Variants in PIP4P2 observed in about 807,000 individuals in gnomAD.
PIP4P2 encodes the protein type 2 phosphatidylinositol 4,5-bisphosphate 4-phosphatase.
A neutral mutation model predicts 33.3 loss-of-function variants in PIP4P2; 19 were observed. That is an observed-to-expected ratio of 0.57 (90% CI 0.40 to 0.84). PIP4P2 has a LOEUF of 0.84. PIP4P2 is among the 40% of genes least tolerant of loss of function. The pLI is 0.00. For missense variants in PIP4P2, 270 were observed against 324.7 expected, an observed-to-expected ratio of 0.83 and a Z score of 1.29; for synonymous variants, 110 against 111.9, an observed-to-expected ratio of 0.98 and a Z score of 0.11.
At chr8:91,021,494 A>C in intron 1 of PIP4P2, 90 bp from the exon 2 acceptor site, 1 of 1,416,776 alleles carries the variant, frequency 7.1e-7, no homozygotes, top group South Asian at 1.5e-5. Flanking sequence ...AGAAGAAACA[A>C]TCAAGATTTT....
chr8:91,005,066 G>T lies in PIP4P2; in HGVS notation c.539+3677C>A, dbSNP rs187772177. 4.2e-3 allele frequency among the ~76,000 whole-genome samples: 639 copies of T among 152,314 alleles called. 2 individuals are homozygous for T. The highest frequency in any genetic ancestry group is 6.9e-3 in the Non-Finnish European group (469 of 68,022). ...ATGGCTATATTGATCCAAGATTGCT[G>T]CTTTGAAAAGCAGATAGATGGAATG... is the stretch of plus-strand genomic sequence containing the variant. On this transcript the variant is annotated intron_variant, in intron 5 of 6. Coordinates refer to ENST00000285419, the MANE Select transcript of PIP4P2 (RefSeq NM_018710.3).
At chr8:91,028,326 C>T (rs1476282922) in intron 1 of PIP4P2, among the ~76,000 whole-genome samples, 3 of 152,182 alleles carry the variant, frequency 2.0e-5, no homozygotes, top group African/African-American at 2.4e-5. Flanking sequence ...TCAACGTGTA[C>T]TGTAAATCTT....
In PIP4P2 at chr8:90,996,680, A is replaced by G. The variant is rs778083012; in HGVS notation, c.604T>C (p.Cys202Arg). The G allele has an allele frequency of 1.9e-6, 3 of 1,609,900 alleles. No individual in the cohort carries two copies. The highest frequency in any genetic ancestry group is 1.7e-6 in the Non-Finnish European group (2 of 1,177,868). ...CCAYITIGMICIFIGVGLTVG... is the reference protein window; with the variant it reads ...CCAYITIGMIRIFIGVGLTVG... ...GTTAACCCAACTCCAATGAAAATAC[A>G]TATCATTCCAATGGTAATATATGCA... Residue 202 changes from cysteine (C) to arginine (R), a missense_variant, in exon 6 of 7, where the codon TGT (cysteine) becomes CGT (arginine). By Grantham distance (180) the Cys-to-Arg change is radical. Transcript: ENST00000285419.
chr8:91,037,984 G>A (rs896289194), intron 1 of PIP4P2, among the ~76,000 whole-genome samples: 4 of 151,942 alleles, frequency 2.6e-5, no homozygotes, highest in Admixed American at 6.6e-5. Context: ...ACAAAAACTG[G>A]CAAGTATATT....
At chr8:91,012,964 CT>C (rs1424699315) in intron 4 of PIP4P2, among the ~76,000 whole-genome samples, 8 of 152,148 alleles carry the variant, frequency 5.3e-5, no homozygotes, top group African/African-American at 1.9e-4. Flanking sequence ...TAACAACTGT[CT>C]TTTTGATTGT....
intron 1 of PIP4P2, among the ~76,000 whole-genome samples, chr8:91,033,858 C>A (rs1812202079): frequency 6.6e-6 from 1 of 152,192 alleles, no homozygotes; most frequent in Admixed American, 6.5e-5. Flanking sequence ...CAGCTCACTG[C>A]AGCCTCAAGC....
At chr8:90,995,947 A>G (rs1811623605) in intron 6 of PIP4P2, 127 bp from the exon 7 acceptor site, 2 of 1,053,478 alleles carry the variant, frequency 1.9e-6, no homozygotes, top group Non-Finnish European at 1.3e-6. Flanking sequence ...CAAAGTCCTT[A>G]TAAGAGTAGG....
rs551341941 is a variant in PIP4P2, at chr8:91,022,914, C to T, written c.107-1510G>A. ...TGTTTCTGGGAGGCTTATAACAGAA[C>T]ACTGCCAAACACTGAAATTCAAAAG... On this transcript the variant is annotated intron_variant, in intron 1 of 6. Transcript: ENST00000285419. 3.9e-5 allele frequency among the ~76,000 whole-genome samples: 6 copies of T among 152,190 alleles called. No individual in the cohort carries two copies. In the East Asian group the frequency reaches 7.7e-4, roughly 20 times the overall value.
intron 1 of PIP4P2, among the ~76,000 whole-genome samples, chr8:91,035,427 A>C (rs1812220743): frequency 6.6e-6 from 1 of 152,176 alleles, no homozygotes; most frequent in Non-Finnish European, 1.5e-5. Flanking sequence ...CTAACTTCAA[A>C]AGACATTTTT....
In PIP4P2 at chr8:91,008,788, T is replaced by A; in HGVS notation, c.494A>T (p.Glu165Val). 1 of 1,601,936 alleles carries A rather than the reference T, an allele frequency of 6.2e-7. No homozygotes were observed. The highest frequency in any genetic ancestry group is 8.5e-7 in the Non-Finnish European group (1 of 1,171,366). ...TTTTGCCAGAGTGTTGAACCTCAGTTCCATCCACTGTAAAATAAACAAAGA... is the reference window on the plus strand; with the variant it reads ...TTTTGCCAGAGTGTTGAACCTCAGTACCATCCACTGTAAAATAAACAAAGA... Reference protein sequence around the residue: ...GHCGNTFLWMELRFNTLAKCP... With the variant: ...GHCGNTFLWMVLRFNTLAKCP... Residue 165 changes from glutamate (E) to valine (V), a missense_variant, in exon 5 of 7, where the codon GAA becomes GTA. Glu to Val is a moderately radical substitution (Grantham distance 121, BLOSUM62 -2). Transcript: ENST00000285419.
intron 1 of PIP4P2, among the ~76,000 whole-genome samples, chr8:91,022,193 A>G (rs1812019975): frequency 6.6e-6 from 1 of 152,186 alleles, no homozygotes; most frequent in Non-Finnish European, 1.5e-5. Context: ...CAAAATGTTG[A>G]TAACTGATGA....
chr8:91,039,059 C>T (rs936522838), intron 1 of PIP4P2, among the ~76,000 whole-genome samples: 3 of 152,056 alleles, frequency 2.0e-5, no homozygotes, highest in Admixed American at 6.6e-5. Context: ...ATAACTTATC[C>T]ACTAGTTGAG....
intron 4 of PIP4P2, among the ~76,000 whole-genome samples, chr8:91,010,349 T>G (rs1044835157): frequency 6.6e-6 from 1 of 151,922 alleles, no homozygotes; most frequent in Non-Finnish European, 1.5e-5. Context: ...ATGAAACCTT[T>G]GAGTCAAGAG....
chr8:91,019,226 C>T (rs954204203), intron 3 of PIP4P2, among the ~76,000 whole-genome samples: 7 of 151,006 alleles, frequency 4.6e-5, no homozygotes, highest in African/African-American at 1.7e-4. Context: ...ATAACTAAAA[C>T]ACTTGCAGGT....
rs71510466 is a variant in PIP4P2, at chr8:91,019,395, C to CAAA, written c.362+759_362+761dup. Reference sequence around the variant, plus strand: ...GCAATATGGTGAAACCCTGTCTCTACAAAAAAAAAAAAAAAAAAAAAAAAA... The same window carrying CAAA: ...GCAATATGGTGAAACCCTGTCTCTACAAAAAAAAAAAAAAAAAAAAAAAAAAAA... On this transcript the variant is annotated intron_variant, in intron 3 of 6. Transcript: ENST00000285419. Among the ~76,000 whole-genome samples the CAAA allele has an allele frequency of 1.8e-3, 35 of 19,690 alleles. 1 individual carries two copies. Among genetic ancestry groups the CAAA allele is most frequent in the African/African-American group, 6.2e-3 (26 of 4,206 alleles). 12.9% of individuals were successfully genotyped at this position (19,690 alleles called of 152,430 possible).
chr8:91,029,215 C>T (rs1812124139), intron 1 of PIP4P2, among the ~76,000 whole-genome samples: 1 of 151,932 alleles, frequency 6.6e-6, no homozygotes, highest in African/African-American at 2.4e-5. Flanking sequence ...CACTTGAACC[C>T]CGGAGGCGGA....
In PIP4P2 at chr8:91,019,024, A is replaced by G. The variant is rs74834592; in HGVS notation, c.363-511T>C. The stretch of plus-strand genomic sequence containing the variant: ...TTTCTATTCTCTAGTCTATCATTGG[A>G]TAGGGCTGTACATGATTCATGTAAT... On this transcript the variant is annotated intron_variant, in intron 3 of 6. Coordinates refer to ENST00000285419, the MANE Select transcript of PIP4P2 (RefSeq NM_018710.3). 1.8e-3 allele frequency among the ~76,000 whole-genome samples: 281 copies of G among 152,176 alleles called. 1 individual carries two copies. The highest frequency in any genetic ancestry group is 5.4e-3 in the Admixed American group (82 of 15,260).
intron 5 of PIP4P2, among the ~76,000 whole-genome samples, chr8:91,006,522 G>T (rs568660616): frequency 2.2e-4 from 33 of 152,274 alleles, no homozygotes; most frequent in Admixed American, 8.5e-4. Flanking sequence ...CAAGTCCCTT[G>T]AGCAAAATCC....
At chr8:91,025,193 G>C (rs1160304060) in intron 1 of PIP4P2, among the ~76,000 whole-genome samples, 1 of 150,278 alleles carries the variant, frequency 6.7e-6, no homozygotes, top group Non-Finnish European at 1.5e-5. Context: ...ATCGGGGTGG[G>C]GGGGAATTAG....
Sources: allele counts gnomAD v4.1 joint callset (sites outside exome capture counted in the v4.1 genomes callset), GRCh38; gene constraint gnomAD v4.1.1; transcripts MANE v1.5; gene names NCBI Gene and HGNC (gene_info 2026-07-23, HGNC 2026-07-21).